Variants in UMODL1 observed in about 807,000 individuals in gnomAD.
UMODL1 encodes the protein uromodulin like 1.
In UMODL1, 128 loss-of-function variants were observed where a neutral mutation model predicts 136.3. The ratio of observed to expected loss-of-function variants is 0.94; its 90% CI spans 0.81 to 1.09. UMODL1 has a LOEUF of 1.09. Among genes scored for constraint, UMODL1 ranks in the 50% least tolerant of loss-of-function variants. The pLI is 0.00. For missense variants in UMODL1, 1,766 were observed against 1,725.6 expected, an observed-to-expected ratio of 1.02 and a Z score of -0.41; for synonymous variants, 721 against 720.0, an observed-to-expected ratio of 1.00 and a Z score of -0.02.
In UMODL1 at chr21:42,136,350, C is replaced by T. The variant is rs150737006; in HGVS notation, c.3776-1089C>T. ...TCCTCACCCTAAATGCAACTTCATA[C>T]GCATGAGTCCCTCCCCATCCACCTT... is the stretch of plus-strand genomic sequence containing the variant. On this transcript the variant is annotated intron_variant, in intron 21 of 22. Coordinates refer to ENST00000408910, the MANE Select transcript of UMODL1 (RefSeq NM_001004416.3). 7.8e-3 allele frequency among the ~76,000 whole-genome samples: 1,181 copies of T among 152,348 alleles called. 10 individuals are homozygous for T. Among genetic ancestry groups the T allele is most frequent in the Middle Eastern group, 0.027 (8 of 294 alleles).
intron 16 of UMODL1, 22 bp downstream of exon 16, chr21:42,121,246 C>T: frequency 1.2e-6 from 2 of 1,600,754 alleles, no homozygotes; most frequent in East Asian, 2.2e-5. Context: ...AGAGTTTCTT[C>T]TTCTGGAATA....
chr21:42,092,952 T>G (rs540876176), intron 6 of UMODL1, among the ~76,000 whole-genome samples: 131 of 152,300 alleles, frequency 8.6e-4, no homozygotes, highest in Non-Finnish European at 1.5e-3. Flanking sequence ...ATGAACCAGC[T>G]GTGTCCCAAG....
intron 1 of UMODL1, among the ~76,000 whole-genome samples, chr21:42,064,709 C>A (rs1017097299): frequency 6.6e-6 from 1 of 152,142 alleles, no homozygotes; most frequent in Non-Finnish European, 1.5e-5. Flanking sequence ...GCGCCCAACA[C>A]CACACCTGGC....
chr21:42,073,078 G>A (rs1329972756), intron 1 of UMODL1, among the ~76,000 whole-genome samples: 1 of 152,194 alleles, frequency 6.6e-6, no homozygotes, highest in African/African-American at 2.4e-5. Context: ...GCTCTGCTGC[G>A]GACCAGCTGG....
At chr21:42,093,542 G>C (rs963209512) in intron 6 of UMODL1, 1 of 202,184 alleles carries the variant, frequency 4.9e-6, no homozygotes, top group Non-Finnish European at 1.0e-5. Context: ...GGCTCTTCTC[G>C]TTGTCCTGTG....
At chr21:42,114,095 C>T (rs991456435) in intron 13 of UMODL1, among the ~76,000 whole-genome samples, 6 of 152,208 alleles carry the variant, frequency 3.9e-5, no homozygotes, top group South Asian at 4.1e-4. Flanking sequence ...GCTGCGGGTG[C>T]GGCTCACCCA....
chr21:42,085,436 C>T lies in UMODL1; in HGVS notation c.603+24C>T, dbSNP rs1483468468. ...TGGTAGGTGAGACAGACGGGGGCTG[C>T]CTGCACCCTCCTTGTGGCAGCTGCT... On this transcript the variant is annotated intron_variant, in intron 4 of 22. Transcript: ENST00000408910. This position sits in a 1 kb window ranked among gnomAD's most constrained non-coding sequence, Gnocchi z 4.5. The T allele has an allele frequency of 1.2e-6, 2 of 1,613,142 alleles. No individual in the cohort carries two copies. Among genetic ancestry groups the T allele is most frequent in the South Asian group, 2.2e-5 (2 of 91,060 alleles).
In UMODL1 at chr21:42,122,989, G is replaced by T; in HGVS notation, c.2986G>T (p.Glu996Ter). 1 of 1,614,064 alleles carries T rather than the reference G, an allele frequency of 6.2e-7. No homozygotes were observed. Among genetic ancestry groups the T allele is most frequent in the Non-Finnish European group, 8.5e-7 (1 of 1,180,036 alleles). Residue 996 changes from glutamate (E) to a stop codon, truncating the protein, a stop_gained, in exon 17 of 23, where the codon GAG becomes TAG. Coordinates refer to ENST00000408910, the MANE Select transcript of UMODL1 (RefSeq NM_001004416.3). LOFTEE classifies it high-confidence loss of function. The surrounding 1 kb of genome is among the most constrained non-coding windows in gnomAD (Gnocchi z 4.3). ...TGAVRVLCEI[E>*]KVVVAIQKRF... is the part of the protein sequence containing the mutation. ...AGCAGTCAGGGTGCTCTGTGAGATCGAGAAGGTGGTTGTCGCCATCCAGAA... is the reference window on the plus strand; with the variant it reads ...AGCAGTCAGGGTGCTCTGTGAGATCTAGAAGGTGGTTGTCGCCATCCAGAA...
At chr21:42,104,771 G>A (rs948200441) in intron 9 of UMODL1, among the ~76,000 whole-genome samples, 1 of 152,200 alleles carries the variant, frequency 6.6e-6, no homozygotes, top group Admixed American at 6.5e-5. Flanking sequence ...ATTTCATTAC[G>A]CTGTGTGTTA....
chr21:42,132,103 C>T (rs955461127), intron 21 of UMODL1, among the ~76,000 whole-genome samples: 1 of 152,134 alleles, frequency 6.6e-6, no homozygotes, highest in South Asian at 2.1e-4. Context: ...ATCCATCATC[C>T]ACCCATACAT....
Position 42,085,613 on chromosome 21 carries a change from C to A in UMODL1, c.603+201C>A. 1.3e-6 allele frequency: 1 copy of A among 744,860 alleles called. No homozygotes were observed. Among genetic ancestry groups the A allele is most frequent in the South Asian group, 1.8e-5 (1 of 56,496 alleles). The allele number at this position is 744,860 out of a possible 1,614,324, so 46.1% of individuals were successfully genotyped here. ...TATGATTTACATGCAACAAAATGCA[C>A]ACAACTGAAGCGTGTAGTTGGCTGA... On this transcript the variant is annotated intron_variant, in intron 4 of 22. Coordinates refer to ENST00000408910, the MANE Select transcript of UMODL1 (RefSeq NM_001004416.3). The surrounding 1 kb of genome is among the most constrained non-coding windows in gnomAD (Gnocchi z 4.5).
chr21:42,114,056 A>C (rs1031562), intron 13 of UMODL1, among the ~76,000 whole-genome samples: 6,940 of 152,350 alleles, frequency 0.046, 219 homozygotes, highest in East Asian at 0.13. Context: ...TGGAGGCGGC[A>C]GCAGAGTGCC....
At chr21:42,077,167 G>C (rs1449301752) in intron 2 of UMODL1, among the ~76,000 whole-genome samples, 2 of 151,878 alleles carry the variant, frequency 1.3e-5, no homozygotes, top group Non-Finnish European at 2.9e-5. Context: ...GTGGGGGTGT[G>C]TGGCTCCAGC....
rs2067219793 is a variant in UMODL1, at chr21:42,137,445, C to T, written c.3782C>T (p.Pro1261Leu). The T allele has an allele frequency of 1.9e-6, 3 of 1,614,192 alleles. No homozygotes were observed. Among genetic ancestry groups the T allele is most frequent in the African/African-American group, 1.3e-5 (1 of 75,070 alleles). The change falls in exon 22 of 23, where the codon CCT (proline) becomes CTT (leucine). Residue 1261 changes from proline (P) to leucine (L), a missense_variant. Transcript: ENST00000408910. ...WGPLIRSEGE[P>L]PHAEAGLGAG... ...TGCCTGTCTCCTCCCCGAGGTGAGC[C>T]TCCTCATGCAGAAGCAGGCCTGGGT...
At position 42,082,725 on chromosome 21, in the gene UMODL1, C is replaced by T. The variant is rs571822792; in HGVS notation, c.320-1359C>T. On this transcript the variant is annotated intron_variant, in intron 2 of 22. Coordinates refer to ENST00000408910, the MANE Select transcript of UMODL1 (RefSeq NM_001004416.3). ...TCTCCTGCCCTGGGCCCACCTCTGC[C>T]GTCTTGGCAAAGGCACACTGCAGGC... Among the ~76,000 whole-genome samples the T allele has an allele frequency of 4.6e-5, 7 of 152,310 alleles. No individual in the cohort carries two copies. The South Asian group carries it at 6.2e-4, about 14-fold the overall frequency.
chr21:42,063,805 C>T (rs989729475), intron 1 of UMODL1, among the ~76,000 whole-genome samples: 1 of 152,198 alleles, frequency 6.6e-6, no homozygotes, highest in Non-Finnish European at 1.5e-5. Flanking sequence ...CTCAGCACTG[C>T]AATTAAAGCA....
At chr21:42,101,930 C>A in intron 7 of UMODL1, 1 of 425,198 alleles carries the variant, frequency 2.4e-6, no homozygotes, top group Non-Finnish European at 4.4e-6. Context: ...TGGGTATGGG[C>A]TGTGTGTGAC....
chr21:42,067,758 G>C (rs533499431), upstream of UMODL1, among the ~76,000 whole-genome samples: 18 of 152,326 alleles, frequency 1.2e-4, no homozygotes, highest in South Asian at 3.5e-3. Flanking sequence ...GCCTTGCCAC[G>C]AGAAAGCGAC....
chr21:42,121,332 G>A (rs1309846966), intron 16 of UMODL1, 108 bp downstream of exon 16: 1 of 1,413,002 alleles, frequency 7.1e-7, no homozygotes, highest in African/African-American at 1.4e-5. Context: ...ATATTTTTAT[G>A]TCCTGGGGAA....
Sources: gnomAD v4.1 joint callset for allele counts (sites outside exome capture counted in the v4.1 genomes callset) on GRCh38, gnomAD v4.1.1 for gene constraint, Gnocchi (gnomAD v3.1) non-coding constraint, MANE v1.5 for transcripts, NCBI Gene and HGNC (gene_info 2026-07-23, HGNC 2026-07-21) for gene names.